Variants in LRRC18 observed in about 807,000 individuals in gnomAD.
LRRC18 encodes leucine-rich repeat-containing protein 18.
LRRC18 carries 12 observed loss-of-function variants against 11.2 expected under a neutral mutation model. The ratio of observed to expected loss-of-function variants is 1.07; its 90% CI spans 0.69 to 1.74. LRRC18 has a LOEUF of 1.74. Among genes scored for constraint, LRRC18 ranks in the 40% most tolerant of loss-of-function variants. LRRC18 has a pLI of 0.00. For missense variants in LRRC18, 374 were observed against 330.5 expected (o/e 1.13, Z -1.02); for synonymous variants, 155 against 130.6 (o/e 1.19, Z -1.27).
At chr10:48,925,314 A>T in the LRRC18 span, among the ~76,000 whole-genome samples, 1 of 152,108 alleles carries the variant, frequency 6.6e-6, no homozygotes, top group Non-Finnish European at 1.5e-5. Context: ...GTATCTTCAC[A>T]GATGAAGTCC....
the LRRC18 span, among the ~76,000 whole-genome samples, chr10:48,930,075 C>A: frequency 6.6e-6 from 1 of 152,124 alleles, no homozygotes; most frequent in Non-Finnish European, 1.5e-5. Flanking sequence ...TTGTCCATTT[C>A]AGTTCCTAGC....
At chr10:48,909,639 G>A (rs1197783754) in exon 2 of LRRC18, 1 of 152,232 alleles carries the variant, frequency 6.6e-6, no homozygotes, top group Non-Finnish European at 1.5e-5. Context: ...GAGAGAGAGA[G>A]GAGAGGGAGG....
the LRRC18 span, among the ~76,000 whole-genome samples, chr10:48,930,585 G>A: frequency 6.6e-6 from 1 of 152,136 alleles, no homozygotes; most frequent in Non-Finnish European, 1.5e-5. Flanking sequence ...GGTGGGACTA[G>A]GCTATGGAGA....
chr10:48,910,317 G>A (rs1837886150), intron 1 of LRRC18, 59 bp from the exon 4 acceptor site: 2 of 1,505,616 alleles, frequency 1.3e-6, no homozygotes, highest in Admixed American at 3.3e-5. Context: ...GGCAAACACA[G>A]CAAGGGCAGA....
chr10:48,913,242 G>A (rs771854184), intron 1 of LRRC18, 150 bp downstream of exon 3: 7 of 739,782 alleles, frequency 9.5e-6, no homozygotes, highest in South Asian at 7.0e-5. Flanking sequence ...ACAATCACAC[G>A]CCGAGAAAGT....
upstream of LRRC18, among the ~76,000 whole-genome samples, chr10:48,914,993 C>A (rs1343697665): frequency 6.6e-6 from 1 of 152,188 alleles, no homozygotes; most frequent in Non-Finnish European, 1.5e-5. Flanking sequence ...GCCGTGACTG[C>A]CTCAGTGCAG....
the LRRC18 span, among the ~76,000 whole-genome samples, chr10:48,933,046 G>T: frequency 6.6e-6 from 1 of 152,168 alleles, no homozygotes. Flanking sequence ...GGCAGGGAAG[G>T]AGAGTGATGG....
chr10:48,910,109 A>T, exon 2 of LRRC18: 2 of 854,464 alleles, frequency 2.3e-6, no homozygotes, highest in South Asian at 2.9e-5. Flanking sequence ...TGGCTTGGCC[A>T]GCTCCGGCGA....
At chr10:48,914,035 T>C (rs751316220) in exon 1 of LRRC18, 1 of 1,614,028 alleles carries the variant, frequency 6.2e-7, no homozygotes, top group African/African-American at 1.3e-5. Flanking sequence ...TTGGGGAAGG[T>C]GGTAATTCCC....
chr10:48,934,010 C>A, the LRRC18 span, among the ~76,000 whole-genome samples: 1 of 152,102 alleles, frequency 6.6e-6, no homozygotes, highest in Non-Finnish European at 1.5e-5. Context: ...GCAGGGTGGA[C>A]AGCAGCTGTC....
chr10:48,926,900 G>A, the LRRC18 span, among the ~76,000 whole-genome samples: 3,340 of 152,292 alleles, frequency 0.022, 113 homozygotes, highest in African/African-American at 0.076. Context: ...AGCTTCTCCA[G>A]TCCCTGCAGG....
chr10:48,924,967 A>G, the LRRC18 span, among the ~76,000 whole-genome samples: 2 of 152,238 alleles, frequency 1.3e-5, no homozygotes, highest in Non-Finnish European at 2.9e-5. Context: ...CAACTGATCC[A>G]TTGAGATACA....
upstream of LRRC18, among the ~76,000 whole-genome samples, chr10:48,914,517 G>T (rs1838322203): frequency 6.6e-6 from 1 of 152,164 alleles, no homozygotes; most frequent in Non-Finnish European, 1.5e-5. Context: ...ACTCTCCACT[G>T]TCCCAGACTG....
chr10:48,913,740 G>T (rs11101561), exon 1 of LRRC18: 1 of 1,613,222 alleles, frequency 6.2e-7, no homozygotes, highest in African/African-American at 1.3e-5. Flanking sequence ...GGCCCCCAGT[G>T]TGGTGGGCAC....
chr10:48,912,626 G>T (rs1293744833), intron 1 of LRRC18, among the ~76,000 whole-genome samples: 1 of 152,202 alleles, frequency 6.6e-6, no homozygotes, highest in Non-Finnish European at 1.5e-5. Flanking sequence ...ACCTAGCATG[G>T]TGCTGAGTAA....
chr10:48,938,808 G>A, the LRRC18 span, among the ~76,000 whole-genome samples: 8 of 152,334 alleles, frequency 5.3e-5, no homozygotes, highest in South Asian at 2.1e-4. Context: ...TACCCACGAC[G>A]TCCTGATTCA....
At chr10:48,910,354 C>G in intron 1 of LRRC18, 96 bp from the exon 4 acceptor site, 1 of 1,083,026 alleles carries the variant, frequency 9.2e-7, no homozygotes, top group Non-Finnish European at 1.4e-6. Context: ...CAAGGTCATG[C>G]CTGACCTTCA....
At chr10:48,922,595 T>C in the LRRC18 span, among the ~76,000 whole-genome samples, 1 of 152,198 alleles carries the variant, frequency 6.6e-6, no homozygotes, top group Non-Finnish European at 1.5e-5. Flanking sequence ...AACTTTATCA[T>C]AGGCATGTTT....
the LRRC18 span, among the ~76,000 whole-genome samples, chr10:48,934,004 G>C: frequency 6.6e-6 from 1 of 152,050 alleles, no homozygotes; most frequent in Non-Finnish European, 1.5e-5. Flanking sequence ...GGCCCTGCAG[G>C]GTGGACAGCA....
Sources: gnomAD v4.1 joint callset for allele counts (sites outside exome capture counted in the v4.1 genomes callset) on GRCh38, gnomAD v4.1.1 for gene constraint, MANE v1.5 for transcripts, NCBI Gene and HGNC (gene_info 2026-07-23, HGNC 2026-07-21) for gene names.